Variants in BTRC observed in about 807,000 individuals in gnomAD.
The protein encoded by BTRC is F-box/WD repeat-containing protein 1A.
Under a neutral mutation model 85.5 loss-of-function variants are expected in BTRC, and 42 were observed. The observed-to-expected ratio is 0.49, with a 90% CI of 0.38 to 0.64. BTRC has a LOEUF of 0.64. BTRC is among the 30% of genes least tolerant of loss of function. The pLI, the probability that BTRC is intolerant of heterozygous loss-of-function variation, is 0.00. For missense variants in BTRC, 594 were observed against 743.5 expected (o/e 0.80, Z 2.34); for synonymous variants, 255 against 263.3 (o/e 0.97, Z 0.30).
At position 101,356,106 on chromosome 10, in the gene BTRC, G is replaced by A. The variant is rs143347891; in HGVS notation, c.48+1878G>A. Reference sequence around the variant, plus strand: ...CAGCCTCCGCCTCCTGGGTTCAAGCGATTCTCCTGCCTCAGCCTCCCGAGT... The same window carrying A: ...CAGCCTCCGCCTCCTGGGTTCAAGCAATTCTCCTGCCTCAGCCTCCCGAGT... On this transcript the variant is annotated intron_variant, in intron 1 of 14. Coordinates refer to ENST00000370187, the MANE Select transcript of BTRC (RefSeq NM_033637.4). Among the ~76,000 whole-genome samples, 681 of 152,262 alleles carry A rather than the reference G, an allele frequency of 4.5e-3. 5 individuals carry two copies. The highest frequency in any genetic ancestry group is 0.016 in the African/African-American group (645 of 41,552).
At chr10:101,446,073 T>C (rs572096972) in intron 2 of BTRC, among the ~76,000 whole-genome samples, 196 of 151,914 alleles carry the variant, frequency 1.3e-3, no homozygotes, top group African/African-American at 4.5e-3. Flanking sequence ...GGAGAAAAAA[T>C]TCAGCATTTA....
At chr10:101,487,352 C>G (rs1295560358) in intron 4 of BTRC, among the ~76,000 whole-genome samples, 8 of 152,154 alleles carry the variant, frequency 5.3e-5, no homozygotes, top group African/African-American at 1.9e-4. Context: ...TCAGAATATC[C>G]TGTTGCTGTG....
At chr10:101,442,099 A>T (rs1374091309) in intron 2 of BTRC, among the ~76,000 whole-genome samples, 2 of 152,172 alleles carry the variant, frequency 1.3e-5, no homozygotes, top group South Asian at 4.1e-4. Flanking sequence ...AAGCACTTTG[A>T]CAAATGACAT....
chr10:101,366,854 ATATATT>A lies in BTRC; in HGVS notation c.48+12632_48+12637del, dbSNP rs1453923784. Among the ~76,000 whole-genome samples, 12 of 24,644 alleles carry A rather than the reference ATATATT, an allele frequency of 4.9e-4. 1 individual carries two copies. Among genetic ancestry groups the A allele is most frequent in the African/African-American group, 2.5e-3 (12 of 4,888 alleles). 16.2% of individuals were successfully genotyped at this position (24,644 alleles called of 152,430 possible). A position where few individuals can be genotyped will look rare whatever the true frequency, so the allele number is the denominator to read the frequency against. On this transcript the variant is annotated intron_variant, in intron 1 of 14. Transcript: ENST00000370187. ...TTTATATATATTTATGTATATTAAT[ATATATT>A]TATATATTAATATATATTTATATAT...
chr10:101,553,816 T>A lies in BTRC; in HGVS notation c.*693T>A, dbSNP rs888121805. ...ACGCCCCTTCAACCTTTTTTCTCTG[T>A]CTGCTTCACCTGAGAAGAAAGTGTA... On this transcript the variant is annotated 3_prime_UTR_variant, in exon 15 of 15. Coordinates refer to ENST00000370187, the MANE Select transcript of BTRC (RefSeq NM_033637.4). 3 of 152,704 alleles carry A rather than the reference T, an allele frequency of 2.0e-5. No individual in the cohort carries two copies. Among genetic ancestry groups the A allele is most frequent in the African/African-American group, 7.2e-5 (3 of 41,458 alleles). The allele number at this position is 152,704 out of a possible 1,614,324, so 9.5% of individuals were successfully genotyped here.
chr10:101,415,132 A>G (rs1213034828), intron 1 of BTRC, among the ~76,000 whole-genome samples: 1 of 151,062 alleles, frequency 6.6e-6, no homozygotes, highest in South Asian at 2.1e-4. Context: ...CAATCCTGCA[A>G]CCTCCATTCA....
intron 3 of BTRC, among the ~76,000 whole-genome samples, chr10:101,462,546 G>A (rs1208934911): frequency 1.3e-5 from 2 of 151,892 alleles, no homozygotes; most frequent in Admixed American, 1.3e-4. Context: ...GGGCATGCTG[G>A]CGCATGCCTG....
At chr10:101,434,886 C>T (rs771457900) in intron 2 of BTRC, among the ~76,000 whole-genome samples, 3 of 151,790 alleles carry the variant, frequency 2.0e-5, no homozygotes, top group Non-Finnish European at 4.4e-5. Flanking sequence ...CTGCCCACCT[C>T]GGCCTCCTAA....
chr10:101,414,527 G>T, intron 1 of BTRC: 1 of 384,436 alleles, frequency 2.6e-6, no homozygotes, highest in Non-Finnish European at 5.1e-6. Flanking sequence ...TTTTAGAGTG[G>T]GCTACTTCTA....
chr10:101,548,505 A>G (rs988486182), intron 13 of BTRC, among the ~76,000 whole-genome samples: 2 of 152,186 alleles, frequency 1.3e-5, no homozygotes, highest in Non-Finnish European at 2.9e-5. Context: ...TAATCCCAGC[A>G]CTTTGGGAGG....
At chr10:101,359,855 C>T (rs1473117505) in intron 1 of BTRC, among the ~76,000 whole-genome samples, 1 of 152,106 alleles carries the variant, frequency 6.6e-6, no homozygotes, top group African/African-American at 2.4e-5. Flanking sequence ...CCGCCTTGGC[C>T]TCCCAAAGTG....
chr10:101,389,115 GTGTGTTTTTTTTTTTTT>G (rs1304097473), intron 1 of BTRC, among the ~76,000 whole-genome samples: 565 of 35,470 alleles, frequency 0.016, 22 homozygotes, highest in African/African-American at 0.073. Flanking sequence ...GATTTTTTGT[GTGTGTTTTTTTTTTTTT>G]TTTTTTTTTT....
chr10:101,532,777 TGTGTGTGTGTGTGCGCGTGTGC>T lies in BTRC; in HGVS notation c.979-173_979-152del, dbSNP rs1289943244. ...GTGTGTGTGTGTGTGTGTGTGTGTG[TGTGTGTGTGTGTGCGCGTGTGC>T]GCGCGCGCGCGCTTAGCTATACCTA... is the stretch of plus-strand genomic sequence containing the variant. On this transcript the variant is annotated intron_variant, in intron 8 of 14. Transcript: ENST00000370187. 5.7e-4 allele frequency among the ~76,000 whole-genome samples: 40 copies of T among 70,218 alleles called. 1 individual carries two copies. The highest frequency in any genetic ancestry group is 3.1e-4 in the African/African-American group (3 of 9,716). The allele number at this position is 70,218 out of a possible 152,430, so 46.1% of individuals were successfully genotyped here.
intron 1 of BTRC, among the ~76,000 whole-genome samples, chr10:101,424,566 G>T (rs1330820589): frequency 2.0e-5 from 3 of 152,154 alleles, no homozygotes; most frequent in African/African-American, 7.2e-5. Flanking sequence ...GACCAACAGG[G>T]ACCTTAATTT....
chr10:101,488,399 CAAGT>C (rs1320564566), intron 4 of BTRC, among the ~76,000 whole-genome samples: 1 of 152,050 alleles, frequency 6.6e-6, no homozygotes, highest in African/African-American at 2.4e-5. Context: ...GAATATCAAT[CAAGT>C]AAGGTGTTTA....
At chr10:101,354,882 G>T (rs572975291) in intron 1 of BTRC, among the ~76,000 whole-genome samples, 1 of 152,142 alleles carries the variant, frequency 6.6e-6, no homozygotes, top group South Asian at 2.1e-4. Flanking sequence ...ATAAGGACTG[G>T]GAATGAGGAC....
At chr10:101,458,834 C>T (rs888138477) in intron 2 of BTRC, among the ~76,000 whole-genome samples, 1 of 152,206 alleles carries the variant, frequency 6.6e-6, no homozygotes, top group Non-Finnish European at 1.5e-5. Context: ...AAGGTGGCAT[C>T]TGCTGGATTT....
chr10:101,429,171 A>G (rs1375537042), intron 1 of BTRC, among the ~76,000 whole-genome samples: 2 of 152,260 alleles, frequency 1.3e-5, no homozygotes, highest in East Asian at 1.9e-4. Context: ...TATATGTGCC[A>G]TGATTAGGTA....
At chr10:101,386,449 A>G (rs1943081725) in intron 1 of BTRC, among the ~76,000 whole-genome samples, 1 of 152,164 alleles carries the variant, frequency 6.6e-6, no homozygotes, top group South Asian at 2.1e-4. Flanking sequence ...AACACTGACA[A>G]TGCTATCTAT....
Sources: allele counts gnomAD v4.1 joint callset (sites outside exome capture counted in the v4.1 genomes callset), GRCh38; gene constraint gnomAD v4.1.1; transcripts MANE v1.5; gene names NCBI Gene and HGNC (gene_info 2026-07-23, HGNC 2026-07-21).